PRDM16: variants seen among roughly 807,000 people sequenced by gnomAD.
PRDM16 encodes PR/SET domain 16.
PRDM16 carries 23 observed loss-of-function variants against 110.6 expected under a neutral mutation model. The observed-to-expected ratio is 0.21, with a 90% CI of 0.15 to 0.29. The LOEUF (loss-of-function observed/expected upper bound fraction) is 0.29, where lower values mean the gene tolerates loss of function less well. Ranked by LOEUF, PRDM16 falls within the 10% of genes least tolerant of loss-of-function variation. The pLI, the probability that PRDM16 is intolerant of heterozygous loss-of-function variation, is 1.00. For missense variants in PRDM16, 1,615 were observed against 1,794.3 expected, an observed-to-expected ratio of 0.90 and a Z score of 1.81; for synonymous variants, 799 against 781.8, an observed-to-expected ratio of 1.02 and a Z score of -0.37.
Position 3,201,941 on chromosome 1 carries a change from T to G in PRDM16, c.387+15467T>G, listed in dbSNP as rs555838915. ...GCCTTCGAGCAAGGGGTCCAGCTCC[T>G]GTAGGTTTCTTGCTTCAGTGGTGCC... On this transcript the variant is annotated intron_variant, in intron 2 of 16. Transcript: ENST00000270722. This position sits in a 1 kb window ranked among gnomAD's most constrained non-coding sequence, Gnocchi z 4.1. Among the ~76,000 whole-genome samples the G allele has an allele frequency of 6.6e-6, 1 of 152,188 alleles. No homozygotes were observed. Among genetic ancestry groups the G allele is most frequent in the Admixed American group, 6.5e-5 (1 of 15,284 alleles).
intron 2 of PRDM16, among the ~76,000 whole-genome samples, chr1:3,194,920 G>C (rs1450631148): frequency 6.6e-6 from 1 of 152,220 alleles, no homozygotes; most frequent in Non-Finnish European, 1.5e-5. Context: ...GGGCACCTCT[G>C]CTGCTCCACT....
At position 3,405,478 on chromosome 1, in the gene PRDM16, G is replaced by T. The variant is rs374947232; in HGVS notation, c.1033-17G>T. The T allele has an allele frequency of 7.4e-5, 114 of 1,549,340 alleles. 1 individual carries two copies. The African/African-American group carries it at 1.4e-3, about 19-fold the overall frequency. On this transcript the variant is annotated splice_polypyrimidine_tract_variant and intron_variant, in intron 7 of 16. Coordinates refer to ENST00000270722, the MANE Select transcript of PRDM16 (RefSeq NM_022114.4). ...GTGTCCAGGCAGGGCACGCGCCAAC[G>T]GCATCCGTCTCCCCAGGTGTTCACG...
intron 1 of PRDM16, among the ~76,000 whole-genome samples, chr1:3,076,864 T>C (rs907362318): frequency 1.1e-4 from 16 of 152,344 alleles, no homozygotes; most frequent in African/African-American, 3.6e-4. Context: ...ACACCAAATG[T>C]ATATTCTATA....
intron 2 of PRDM16, among the ~76,000 whole-genome samples, chr1:3,217,778 T>C (rs1014661378): frequency 2.6e-5 from 4 of 152,314 alleles, no homozygotes; most frequent in Admixed American, 2.6e-4. Context: ...CTTGAGGCCC[T>C]GCGAGTTTCA....
Position 3,175,239 on chromosome 1 carries a change from C to A in PRDM16, c.38-10886C>A, listed in dbSNP as rs951558214. Reference sequence around the variant, plus strand: ...CTAGCAAACTGTTTTTGGGAAGGGGCCTTCAGGATGACCCTGCCGCTCCAG... The same window carrying A: ...CTAGCAAACTGTTTTTGGGAAGGGGACTTCAGGATGACCCTGCCGCTCCAG... On this transcript the variant is annotated intron_variant, in intron 1 of 16. Transcript: ENST00000270722. The surrounding 1 kb of genome is among the most constrained non-coding windows in gnomAD (Gnocchi z 4.8). Among the ~76,000 whole-genome samples the A allele has an allele frequency of 6.6e-6, 1 of 152,212 alleles. No individual in the cohort carries two copies. The highest frequency in any genetic ancestry group is 1.9e-4 in the East Asian group (1 of 5,194).
At chr1:3,147,786 G>C (rs1643704058) in intron 1 of PRDM16, among the ~76,000 whole-genome samples, 1 of 152,164 alleles carries the variant, frequency 6.6e-6, no homozygotes, top group South Asian at 2.1e-4. Context: ...TGTAAGCCTG[G>C]GGCTTGGGCC....
chr1:3,240,056 A>AGGAGAGGAGGAGAGGAGAGG (rs1220138751), intron 2 of PRDM16, among the ~76,000 whole-genome samples: 1 of 103,398 alleles, frequency 9.7e-6, no homozygotes, highest in African/African-American at 4.1e-5. Flanking sequence ...AGGAGAGGAG[A>AGGAGAGGAGGAGAGGAGAGG]AGAGGAGAGG....
chr1:3,414,037 C>T (rs926054810), intron 9 of PRDM16, among the ~76,000 whole-genome samples: 4 of 152,192 alleles, frequency 2.6e-5, no homozygotes, highest in East Asian at 1.9e-4. Flanking sequence ...CAGCACACCC[C>T]GTGCCAGGGG....
In PRDM16 at chr1:3,186,426, C is replaced by T. The variant is rs779738395; in HGVS notation, c.339C>T (p.Cys113=). Residue 113 remains cysteine, a synonymous_variant, in exon 2 of 17, where the codon TGC becomes TGT. Coordinates refer to ENST00000270722, the MANE Select transcript of PRDM16 (RefSeq NM_022114.4). ...KMEAGERLGP[C]VVVPRAAAKE... ...AAGCCGGGGAGAGGCTGGGCCCCTG[C>T]GTGGTGGTGCCCCGGGCGGCGGCAA... 26 of 1,576,230 alleles carry T rather than the reference C, an allele frequency of 1.6e-5. 1 individual carries two copies. The highest frequency in any genetic ancestry group is 2.3e-5 in the East Asian group (1 of 44,438).
chr1:3,253,921 T>A (rs963833717), intron 3 of PRDM16, among the ~76,000 whole-genome samples: 3 of 152,250 alleles, frequency 2.0e-5, no homozygotes, highest in African/African-American at 7.2e-5. Context: ...TGAGATGGTA[T>A]CTCATTGTGG....
chr1:3,132,880 G>C (rs1643362295), intron 1 of PRDM16: 1 of 152,248 alleles, frequency 6.6e-6, no homozygotes, highest in South Asian at 2.1e-4. Flanking sequence ...CACTCACCCG[G>C]AACCCCAGCC....
At chr1:3,330,414 G>A (rs966675621) in intron 3 of PRDM16, among the ~76,000 whole-genome samples, 4 of 152,242 alleles carry the variant, frequency 2.6e-5, no homozygotes, top group Non-Finnish European at 5.9e-5. Flanking sequence ...TAAGAATGCA[G>A]GGACAAAATA....
rs1427663124 is a variant in PRDM16, at chr1:3,350,473, G to A, written c.439-34679G>A. Among the ~76,000 whole-genome samples, 1 of 152,190 alleles carries A rather than the reference G, an allele frequency of 6.6e-6. No homozygotes were observed. The highest frequency in any genetic ancestry group is 1.5e-5 in the Non-Finnish European group (1 of 68,020). On this transcript the variant is annotated intron_variant, in intron 3 of 16. Transcript: ENST00000270722. The surrounding 1 kb of genome is among the most constrained non-coding windows in gnomAD (Gnocchi z 7.1). The stretch of plus-strand genomic sequence containing the variant: ...GGGGCTGCAGTCAGGGTCAGGTTTG[G>A]TGACACTTGGATCCAGACATAATGT...
chr1:3,368,158 A>G (rs1445287787), intron 3 of PRDM16, among the ~76,000 whole-genome samples: 1 of 152,232 alleles, frequency 6.6e-6, no homozygotes, highest in African/African-American at 2.4e-5. Context: ...TGCATCGCTG[A>G]GAACCTGCTG....
intron 2 of PRDM16, among the ~76,000 whole-genome samples, chr1:3,227,969 A>T (rs1397894768): frequency 2.6e-5 from 4 of 152,184 alleles, no homozygotes; most frequent in Non-Finnish European, 4.4e-5. Context: ...CTCTGTTTCG[A>T]GCCGTGGGCT....
At chr1:3,114,188 C>T (rs1290851919) in intron 1 of PRDM16, among the ~76,000 whole-genome samples, 2 of 109,258 alleles carry the variant, frequency 1.8e-5, no homozygotes, top group African/African-American at 4.1e-5. Flanking sequence ...CACACACGCA[C>T]ACACGCACAC....
chr1:3,160,188 C>T (rs1487022970), intron 1 of PRDM16, among the ~76,000 whole-genome samples: 2 of 152,210 alleles, frequency 1.3e-5, no homozygotes, highest in African/African-American at 4.8e-5. Flanking sequence ...GGGACCAGCC[C>T]CTGGGGATCC....
intron 2 of PRDM16, among the ~76,000 whole-genome samples, chr1:3,192,850 T>C (rs776908030): frequency 1.3e-5 from 2 of 152,100 alleles, no homozygotes; most frequent in Non-Finnish European, 2.9e-5. Flanking sequence ...GTGCTCAAAG[T>C]GTGGTCCCTG....
chr1:3,341,783 A>T (rs753823028), intron 3 of PRDM16, among the ~76,000 whole-genome samples: 13 of 152,366 alleles, frequency 8.5e-5, no homozygotes, highest in Non-Finnish European at 1.6e-4. Flanking sequence ...CCACACAGTC[A>T]TGAGGGTGAA....
Sources: gnomAD v4.1 joint callset for allele counts (sites outside exome capture counted in the v4.1 genomes callset) on GRCh38, gnomAD v4.1.1 for gene constraint, Gnocchi (gnomAD v3.1) non-coding constraint, MANE v1.5 for transcripts, NCBI Gene and HGNC (gene_info 2026-07-23, HGNC 2026-07-21) for gene names.